Variants in COL23A1 observed in about 807,000 individuals in gnomAD.
COL23A1 encodes the protein collagen alpha-1(XXIII) chain.
COL23A1 carries 97 observed loss-of-function variants against 99.3 expected under a neutral mutation model. That is an observed-to-expected ratio of 0.98 (90% CI 0.83 to 1.16). The LOEUF (loss-of-function observed/expected upper bound fraction) is 1.16. Among genes scored for constraint, COL23A1 ranks in the 50% most tolerant of loss-of-function variants. The pLI, the probability that COL23A1 is intolerant of heterozygous loss-of-function variation, is 0.00. For synonymous variants in COL23A1, 320 were observed against 308.2 expected (o/e 1.04, Z -0.40); for missense variants, 762 against 757.4 (o/e 1.01, Z -0.07).
chr5:178,311,361 G>A (rs1178237702), intron 2 of COL23A1, among the ~76,000 whole-genome samples: 2 of 152,178 alleles, frequency 1.3e-5, no homozygotes, highest in African/African-American at 4.8e-5. Flanking sequence ...CAGATGAGCT[G>A]GCAGCAGACA....
intron 2 of COL23A1, among the ~76,000 whole-genome samples, chr5:178,364,978 C>T (rs1581236920): frequency 2.0e-5 from 3 of 152,208 alleles, no homozygotes; most frequent in South Asian, 2.1e-4. Context: ...TCACAACCCT[C>T]GCCAATACAG....
intron 2 of COL23A1, among the ~76,000 whole-genome samples, chr5:178,417,615 C>A (rs1048358841): frequency 3.3e-5 from 5 of 152,144 alleles, no homozygotes; most frequent in African/African-American, 9.7e-5. Flanking sequence ...GAAATCCAAC[C>A]CTCAACGATA....
At position 178,309,640 on chromosome 5, in the gene COL23A1, C is replaced by T. The variant is rs909771151; in HGVS notation, c.362-2721G>A. 1.3e-5 allele frequency among the ~76,000 whole-genome samples: 2 copies of T among 151,996 alleles called. No homozygotes were observed. Among genetic ancestry groups the T allele is most frequent in the Admixed American group, 6.6e-5 (1 of 15,266 alleles). ...AGCTCACCTCCCGACTTCCCACGCG[C>T]CCCCTGCCTCCCTTGTTACTTACCT... On this transcript the variant is annotated intron_variant, in intron 2 of 28. Coordinates refer to ENST00000390654, the MANE Select transcript of COL23A1 (RefSeq NM_173465.4). This position sits in a 1 kb window ranked among gnomAD's most constrained non-coding sequence, Gnocchi z 4.7.
At chr5:178,354,195 G>T (rs780773313) in intron 2 of COL23A1, among the ~76,000 whole-genome samples, 7 of 151,820 alleles carry the variant, frequency 4.6e-5, no homozygotes, top group Non-Finnish European at 7.4e-5. Context: ...AGTATAATTG[G>T]CAAATAAAAA....
At chr5:178,386,707 C>T (rs893332799) in intron 2 of COL23A1, among the ~76,000 whole-genome samples, 8 of 152,066 alleles carry the variant, frequency 5.3e-5, no homozygotes, top group African/African-American at 1.7e-4. Flanking sequence ...GAAGGGTCCC[C>T]GCCGCCTACC....
At chr5:178,304,010 G>A (rs1290618519) in intron 3 of COL23A1, among the ~76,000 whole-genome samples, 1 of 152,200 alleles carries the variant, frequency 6.6e-6, no homozygotes, top group Non-Finnish European at 1.5e-5. Context: ...CACAGTTCTG[G>A]GATTCTCCAG....
At chr5:178,316,557 G>A (rs1457847238) in intron 2 of COL23A1, among the ~76,000 whole-genome samples, 2 of 152,084 alleles carry the variant, frequency 1.3e-5, no homozygotes, top group Non-Finnish European at 2.9e-5. Flanking sequence ...CAGAATTCCC[G>A]ATTTTTTTCA....
intron 2 of COL23A1, among the ~76,000 whole-genome samples, chr5:178,527,183 C>T (rs764269536): frequency 4.7e-4 from 71 of 152,126 alleles, no homozygotes; most frequent in Non-Finnish European, 8.8e-4. Context: ...GCGGGGGGCC[C>T]TCGGTGAGGA....
At chr5:178,343,349 G>T (rs1206884036) in intron 2 of COL23A1, among the ~76,000 whole-genome samples, 1 of 152,186 alleles carries the variant, frequency 6.6e-6, no homozygotes, top group Non-Finnish European at 1.5e-5. Context: ...TCATGTGACC[G>T]AGGAACATAT....
chr5:178,335,029 C>T (rs1464923154), intron 2 of COL23A1, among the ~76,000 whole-genome samples: 5 of 152,196 alleles, frequency 3.3e-5, no homozygotes, highest in South Asian at 4.1e-4. Flanking sequence ...AGACCACAGG[C>T]GTCCCTAAGA....
At chr5:178,417,744 C>T (rs114552178) in intron 2 of COL23A1, among the ~76,000 whole-genome samples, 5 of 152,262 alleles carry the variant, frequency 3.3e-5, no homozygotes, top group South Asian at 2.1e-4. Context: ...GCCAAGGAGA[C>T]GGAGTTCATT....
Position 178,306,910 on chromosome 5 carries a change from C to T in COL23A1, c.371G>A (p.Gly124Glu). The change falls in exon 3 of 29, where the codon GGA (glycine) becomes GAA (glutamate). Residue 124 changes from glycine (G) to glutamate (E), a missense_variant. Gly to Glu is a moderately conservative substitution (Grantham distance 98, BLOSUM62 -2). Coordinates refer to ENST00000390654, the MANE Select transcript of COL23A1 (RefSeq NM_173465.4). This position sits in a 1 kb window ranked among gnomAD's most constrained non-coding sequence, Gnocchi z 4.1. ...TCTTCTCCCAGGCTTGCCGCGCCGT[C>T]CAGGGGGCCCTAGACAGGAAAACAA... is the stretch of plus-strand genomic sequence containing the variant. ...SECVCPPGPPGRRGKPGRRGD... is the reference protein window; with the variant it reads ...SECVCPPGPPERRGKPGRRGD... 1 of 1,540,550 alleles carries T rather than the reference C, an allele frequency of 6.5e-7. No individual in the cohort carries two copies. Among genetic ancestry groups the T allele is most frequent in the African/African-American group, 1.4e-5 (1 of 71,038 alleles).
chr5:178,239,655 G>A (rs1764289575), intron 27 of COL23A1, among the ~76,000 whole-genome samples: 1 of 28,554 alleles, frequency 3.5e-5, no homozygotes, highest in East Asian at 1.2e-3. Context: ...ATGTGACACT[G>A]ACTCTGGCCT....
intron 2 of COL23A1, among the ~76,000 whole-genome samples, chr5:178,391,992 A>G (rs1362324498): frequency 6.6e-6 from 1 of 152,226 alleles, no homozygotes; most frequent in Non-Finnish European, 1.5e-5. Flanking sequence ...CACGTATTAT[A>G]TGATCCTATT....
Position 178,590,103 on chromosome 5 carries a change from C to G in COL23A1, c.95G>C (p.Gly32Ala), listed in dbSNP as rs532889008. The G allele has an allele frequency of 1.2e-4, 158 of 1,264,258 alleles. 2 individuals carry two copies. The South Asian group carries it at 3.5e-3, about 28-fold the overall frequency. 78.3% of individuals were successfully genotyped at this position (1,264,258 alleles called of 1,614,324 possible). ...GCACAGCGCGCTCACCGCCCGGGAC[C>G]CGGCCGTCGTCGCCGAGCGCCCTCC... is the stretch of plus-strand genomic sequence containing the variant. ...GGGGRSATTAGSRAVSALCLL... is the reference protein window; with the variant it reads ...GGGGRSATTAASRAVSALCLL... Residue 32 changes from glycine (G) to alanine (A), a missense_variant, in exon 1 of 29, where the codon GGG becomes GCG. Gly to Ala is a moderately conservative substitution (Grantham distance 60, BLOSUM62 0). Coordinates refer to ENST00000390654, the MANE Select transcript of COL23A1 (RefSeq NM_173465.4). This position sits in a 1 kb window ranked among gnomAD's most constrained non-coding sequence, Gnocchi z 5.7.
chr5:178,502,293 G>A (rs557548328), intron 2 of COL23A1, among the ~76,000 whole-genome samples: 23 of 152,184 alleles, frequency 1.5e-4, no homozygotes, highest in Admixed American at 8.5e-4. Flanking sequence ...CACCACGCCC[G>A]GCTAATTTTT....
intron 2 of COL23A1, among the ~76,000 whole-genome samples, chr5:178,448,471 C>T (rs905527979): frequency 6.6e-6 from 1 of 152,164 alleles, no homozygotes; most frequent in African/African-American, 2.4e-5. Flanking sequence ...TAACAGAATA[C>T]CCGAGACTGG....
intron 1 of COL23A1, among the ~76,000 whole-genome samples, chr5:178,577,980 CT>C (rs1175861531): frequency 1.4e-5 from 2 of 147,146 alleles, no homozygotes; most frequent in African/African-American, 2.6e-5. Context: ...ATCTGGGGAC[CT>C]TATAAAGTCT....
chr5:178,301,738 A>G (rs1430459532), intron 3 of COL23A1, among the ~76,000 whole-genome samples: 3 of 152,130 alleles, frequency 2.0e-5, no homozygotes, highest in Non-Finnish European at 2.9e-5. Flanking sequence ...CCTTGATCCA[A>G]CGTCTCCCAC....
Sources: allele counts gnomAD v4.1 joint callset (sites outside exome capture counted in the v4.1 genomes callset), GRCh38; gene constraint gnomAD v4.1.1; non-coding constraint Gnocchi (gnomAD v3.1); transcripts MANE v1.5; gene names NCBI Gene and HGNC (gene_info 2026-07-23, HGNC 2026-07-21).